CRTAC1: variants seen among roughly 807,000 people sequenced by gnomAD.
CRTAC1 encodes cartilage acidic protein 1, also known as acidic secreted protein in cartilage.
In CRTAC1, 37 loss-of-function variants were observed where a neutral mutation model predicts 67.8. The observed-to-expected ratio is 0.55, with a 90% CI of 0.42 to 0.72. The LOEUF (loss-of-function observed/expected upper bound fraction) is 0.72, where lower values mean the gene tolerates loss of function less well. Ranked by LOEUF, CRTAC1 falls within the 30% of genes least tolerant of loss-of-function variation. The pLI is 0.00. For missense variants in CRTAC1, 780 were observed against 931.6 expected (o/e 0.84, Z 2.12); for synonymous variants, 348 against 371.0 (o/e 0.94, Z 0.71).
intron 2 of CRTAC1, among the ~76,000 whole-genome samples, chr10:97,973,394 G>A (rs553447451): frequency 1.6e-3 from 153 of 94,200 alleles, no homozygotes; most frequent in African/African-American, 5.6e-3. Flanking sequence ...CCCCCACCCC[G>A]GCCCCCTTTT....
intron 2 of CRTAC1, among the ~76,000 whole-genome samples, chr10:97,972,343 G>A (rs2051729143): frequency 6.6e-6 from 1 of 152,198 alleles, no homozygotes; most frequent in South Asian, 2.1e-4. Context: ...AGGGAACAGG[G>A]TGTGGGTCAC....
chr10:97,997,932 G>C (rs1190137233), intron 2 of CRTAC1, among the ~76,000 whole-genome samples: 3 of 152,180 alleles, frequency 2.0e-5, no homozygotes, highest in Non-Finnish European at 4.4e-5. Context: ...ACATGTCTGA[G>C]TAGAGTCCCA....
At chr10:97,892,091 G>A (rs965388781) in intron 11 of CRTAC1, among the ~76,000 whole-genome samples, 1 of 152,232 alleles carries the variant, frequency 6.6e-6, no homozygotes, top group Non-Finnish European at 1.5e-5. Flanking sequence ...GAAGTGCAGT[G>A]TACATAAGCC....
intron 1 of CRTAC1, among the ~76,000 whole-genome samples, chr10:98,028,123 G>A (rs186198842): frequency 1.2e-3 from 188 of 152,280 alleles, no homozygotes; most frequent in Middle Eastern, 6.8e-3. Flanking sequence ...AATGATCCCC[G>A]AGAGAGGGTG....
chr10:98,024,510 A>T (rs554891408), intron 1 of CRTAC1, among the ~76,000 whole-genome samples: 9 of 152,218 alleles, frequency 5.9e-5, no homozygotes, highest in African/African-American at 1.9e-4. Flanking sequence ...GGGGGCACAT[A>T]TCCAGCCTCT....
At chr10:97,883,348 C>T (rs1429853259) in intron 12 of CRTAC1, among the ~76,000 whole-genome samples, 1 of 152,260 alleles carries the variant, frequency 6.6e-6, no homozygotes, top group East Asian at 1.9e-4. Flanking sequence ...AACAAATTGA[C>T]TCAGAGACTT....
At chr10:97,868,749 T>C (rs1179734321) in intron 14 of CRTAC1, 1 of 152,236 alleles carries the variant, frequency 6.6e-6, no homozygotes. Context: ...CTTCTAGAGA[T>C]GAGGTCCTGG....
chr10:97,986,289 C>T (rs1352780920), intron 2 of CRTAC1, among the ~76,000 whole-genome samples: 1 of 152,314 alleles, frequency 6.6e-6, no homozygotes, highest in South Asian at 2.1e-4. Context: ...AGCCTCAATT[C>T]CCTAGCCTGT....
intron 12 of CRTAC1, among the ~76,000 whole-genome samples, chr10:97,883,101 T>C (rs1377907325): frequency 2.0e-5 from 3 of 152,234 alleles, no homozygotes; most frequent in African/African-American, 7.2e-5. Flanking sequence ...TAACAGAACC[T>C]GTCCCTTCTG....
chr10:98,006,326 T>C (rs1226254372), intron 2 of CRTAC1, among the ~76,000 whole-genome samples: 1 of 151,998 alleles, frequency 6.6e-6, no homozygotes, highest in Non-Finnish European at 1.5e-5. Context: ...TTGCCAGAGG[T>C]GATCAAATCT....
rs1843358301 is a variant in CRTAC1, at chr10:98,030,609, G to T, written c.-137C>A. ...CGAGCCTCCCGCCCCGACGCCGCGC[G>T]CTCGCTTTATACAACTCCACTCGAG... On this transcript the variant is annotated 5_prime_UTR_variant, in exon 1 of 15. Transcript: ENST00000370597. This position sits in a 1 kb window ranked among gnomAD's most constrained non-coding sequence, Gnocchi z 4.2. 2 of 477,236 alleles carry T rather than the reference G, an allele frequency of 4.2e-6. No homozygotes were observed. The highest frequency in any genetic ancestry group is 6.0e-4 in the Middle Eastern group (1 of 1,662). The allele number at this position is 477,236 out of a possible 1,614,324, so 29.6% of individuals were successfully genotyped here.
chr10:97,886,278 G>A (rs2050282709), intron 11 of CRTAC1, among the ~76,000 whole-genome samples: 1 of 152,224 alleles, frequency 6.6e-6, no homozygotes, highest in African/African-American at 2.4e-5. Context: ...GGCCTCCAGG[G>A]GAGTATCACT....
intron 2 of CRTAC1, among the ~76,000 whole-genome samples, chr10:97,969,975 C>G (rs901554178): frequency 6.6e-6 from 1 of 152,180 alleles, no homozygotes; most frequent in Non-Finnish European, 1.5e-5. Context: ...ACTGCCTACT[C>G]AACATTGCTC....
chr10:97,880,513 C>T (rs1258146407), intron 13 of CRTAC1, 121 bp from the exon 14 acceptor site: 4 of 1,277,364 alleles, frequency 3.1e-6, no homozygotes, highest in South Asian at 1.4e-5. Flanking sequence ...GCCTCAGTTT[C>T]CCTGCTTCAG....
At position 97,899,050 on chromosome 10, in the gene CRTAC1, A is replaced by T. The variant is rs544367551; in HGVS notation, c.1134-2059T>A. 4.4e-4 allele frequency among the ~76,000 whole-genome samples: 67 copies of T among 152,250 alleles called. 1 individual carries two copies. In the South Asian group the frequency reaches 0.014, roughly 32 times the overall value. On this transcript the variant is annotated intron_variant, in intron 8 of 14. Coordinates refer to ENST00000370597, the MANE Select transcript of CRTAC1 (RefSeq NM_018058.7). ...TTTATGTCCCCACAGAGTTCCTGGCATGTTCCTGGAGAGCACCAGGGCCAA... is the reference window on the plus strand; with the variant it reads ...TTTATGTCCCCACAGAGTTCCTGGCTTGTTCCTGGAGAGCACCAGGGCCAA...
intron 1 of CRTAC1, among the ~76,000 whole-genome samples, chr10:98,027,022 C>T (rs1363823468): frequency 6.6e-6 from 1 of 152,124 alleles, no homozygotes; most frequent in Non-Finnish European, 1.5e-5. Flanking sequence ...AAAAAGTTAG[C>T]CGGGCGTAGT....
At chr10:98,001,489 G>T (rs1175034620) in intron 2 of CRTAC1, among the ~76,000 whole-genome samples, 1 of 151,932 alleles carries the variant, frequency 6.6e-6, no homozygotes, top group African/African-American at 2.4e-5. Context: ...GAAGAACTCT[G>T]CCAGTTAAAT....
chr10:97,972,725 T>C (rs937828971), intron 2 of CRTAC1, among the ~76,000 whole-genome samples: 1 of 152,254 alleles, frequency 6.6e-6, no homozygotes, highest in Non-Finnish European at 1.5e-5. Context: ...TAATGAAATA[T>C]TATGCAGCCA....
intron 14 of CRTAC1, chr10:97,876,014 C>G (rs2050143203): frequency 6.6e-6 from 1 of 152,232 alleles, no homozygotes. Context: ...GCACTGCCAC[C>G]TCTTCTTGCA....
Sources: allele counts gnomAD v4.1 joint callset (sites outside exome capture counted in the v4.1 genomes callset), GRCh38; gene constraint gnomAD v4.1.1; non-coding constraint Gnocchi (gnomAD v3.1); transcripts MANE v1.5; gene names NCBI Gene and HGNC (gene_info 2026-07-23, HGNC 2026-07-21).